The following LMNA variants were observed in gnomAD, a reference collection of about 807,000 sequenced individuals.
LMNA encodes lamin.
In LMNA, 20 loss-of-function variants were observed where a neutral mutation model predicts 70.4. The ratio of observed to expected loss-of-function variants is 0.28; its 90% CI spans 0.20 to 0.41. The LOEUF is 0.41. LMNA is among the 10% of genes least tolerant of loss of function. The probability of loss-of-function intolerance (pLI) is 1.00; values close to 1 mark genes in which losing one functional copy is unlikely to be tolerated. For synonymous variants in LMNA, 339 were observed against 372.8 expected, an observed-to-expected ratio of 0.91 and a Z score of 1.04; for missense variants, 652 against 917.2, an observed-to-expected ratio of 0.71 and a Z score of 3.73.
At position 156,131,067 on chromosome 1, in the gene LMNA, C is replaced by T. The variant is rs1651023544; in HGVS notation, c.513+294C>T. Among the ~76,000 whole-genome samples, 3 of 151,846 alleles carry T rather than the reference C, an allele frequency of 2.0e-5. 1 individual carries two copies. The highest frequency in any genetic ancestry group is 4.2e-4 in the South Asian group (2 of 4,808). ...TGGGCCGATCACGAGGTCAGGAGATCGAGATCATCCTGACTAACATGGTGA... is the reference window on the plus strand; with the variant it reads ...TGGGCCGATCACGAGGTCAGGAGATTGAGATCATCCTGACTAACATGGTGA... On this transcript the variant is annotated intron_variant, in intron 2 of 11. Transcript: ENST00000368300.
At chr1:156,099,122 G>A (rs1236947578) in intron 3 of LMNA, among the ~76,000 whole-genome samples, 3 of 152,124 alleles carry the variant, frequency 2.0e-5, no homozygotes, top group Admixed American at 6.5e-5. Context: ...CTGCCCCACT[G>A]TCAGCCCCTT....
chr1:156,100,652 G>A (rs1029804657), intron 3 of LMNA, among the ~76,000 whole-genome samples: 1 of 152,158 alleles, frequency 6.6e-6, no homozygotes, highest in African/African-American at 2.4e-5. Flanking sequence ...TTAGAATGAG[G>A]TGCTGAGGAG....
chr1:156,127,509 GTTTTTTTTTTTTTTTTT>G (rs1170940332), intron 1 of LMNA, among the ~76,000 whole-genome samples: 1 of 84,492 alleles, frequency 1.2e-5, no homozygotes, highest in Non-Finnish European at 2.3e-5. Flanking sequence ...CCCCCTTACT[GTTTTTTTTTTTTTTTTT>G]TTTTTTTTTT....
At chr1:156,085,783 T>C (rs968275430) in intron 2 of LMNA, among the ~76,000 whole-genome samples, 1 of 152,182 alleles carries the variant, frequency 6.6e-6, no homozygotes, top group African/African-American at 2.4e-5. Context: ...TGGCAGGGCA[T>C]GGTGGCTCGT....
chr1:156,125,573 C>T lies in LMNA; in HGVS notation c.357-5044C>T, dbSNP rs192585352. 8.8e-3 allele frequency among the ~76,000 whole-genome samples: 1,332 copies of T among 151,908 alleles called. 77 individuals are homozygous for T. Among genetic ancestry groups the T allele is most frequent in the Admixed American group, 0.077 (1,178 of 15,238 alleles). On this transcript the variant is annotated intron_variant, in intron 1 of 11. Coordinates refer to ENST00000368300, the MANE Select transcript of LMNA (RefSeq NM_170707.4). Reference sequence around the variant, plus strand: ...GTGTGGTGGCAGGCGCCTGTAATCCCAGCTACTCTGGAGGCTGAGGCACAA... The same window carrying T: ...GTGTGGTGGCAGGCGCCTGTAATCCTAGCTACTCTGGAGGCTGAGGCACAA...
chr1:156,106,991 G>A (rs1490616524), intron 3 of LMNA, among the ~76,000 whole-genome samples: 1 of 152,154 alleles, frequency 6.6e-6, no homozygotes, highest in Non-Finnish European at 1.5e-5. Context: ...AAGAGGGAAA[G>A]AGTATATTTA....
At position 156,115,566 on chromosome 1, in the gene LMNA, T is replaced by C. The variant is rs750519671; in HGVS notation, c.356+292T>C. On this transcript the variant is annotated intron_variant, in intron 1 of 11. Coordinates refer to ENST00000368300, the MANE Select transcript of LMNA (RefSeq NM_170707.4). This position sits in a 1 kb window ranked among gnomAD's most constrained non-coding sequence, Gnocchi z 5.8. ...TGGGGCCGGCCTGAATTCGGTCAGA[T>C]TGGGATTTGCCAACTATTTGGAGCC... Among the ~76,000 whole-genome samples the C allele has an allele frequency of 6.6e-6, 1 of 152,096 alleles. No homozygotes were observed. The highest frequency in any genetic ancestry group is 1.5e-5 in the Non-Finnish European group (1 of 67,980).
chr1:156,112,624 G>A (rs975734765), upstream of LMNA, among the ~76,000 whole-genome samples: 3 of 152,162 alleles, frequency 2.0e-5, no homozygotes, highest in South Asian at 4.1e-4. Context: ...CTGAGGGTGG[G>A]TGCCACGCCC....
At chr1:156,090,882 C>T (rs1648672016) in intron 3 of LMNA, 1 of 152,174 alleles carries the variant, frequency 6.6e-6, no homozygotes, top group African/African-American at 2.4e-5. Context: ...AAACATTGGC[C>T]ACCAGGTGGC....
At chr1:156,085,704 C>T (rs1455652614) in intron 2 of LMNA, among the ~76,000 whole-genome samples, 3 of 152,220 alleles carry the variant, frequency 2.0e-5, no homozygotes, top group Non-Finnish European at 4.4e-5. Context: ...TATTCTGCCA[C>T]TTTGGGGAGT....
At chr1:156,130,030 T>G in intron 1 of LMNA, 1 of 623,152 alleles carries the variant, frequency 1.6e-6, no homozygotes, top group East Asian at 2.8e-5. Flanking sequence ...GTCAATATTG[T>G]GCCTGGTCAT....
chr1:156,137,176 A>G lies in LMNA; in HGVS notation c.1552A>G (p.Asn518Asp), dbSNP rs757733890. Reference protein sequence around the residue: ...PPTDLVWKAQNTWGCGNSLRT... With the variant: ...PPTDLVWKAQDTWGCGNSLRT... Reference sequence around the variant, plus strand: ...TACCGACCTGGTGTGGAAGGCACAGAACACCTGGGGCTGCGGGAACAGCCT... The same window carrying G: ...TACCGACCTGGTGTGGAAGGCACAGGACACCTGGGGCTGCGGGAACAGCCT... Residue 518 changes from asparagine (N) to aspartate (D), a missense_variant, in exon 9 of 12, where the codon AAC (asparagine) becomes GAC (aspartate). Physicochemically the swap from Asn to Asp is conservative, Grantham distance 23 (BLOSUM62 1). This residue lies in a region of LMNA where 327 missense variants were observed against 387.6 expected (regional missense o/e 0.84). Transcript: ENST00000368300. This position sits in a 1 kb window ranked among gnomAD's most constrained non-coding sequence, Gnocchi z 4.6. The G allele has an allele frequency of 1.9e-6, 3 of 1,611,152 alleles. No homozygotes were observed. Among genetic ancestry groups the G allele is most frequent in the Non-Finnish European group, 2.5e-6 (3 of 1,178,902 alleles).
chr1:156,101,628 AAGGAAGGAAGGG>A lies in LMNA; in HGVS notation c.-207+11050_-207+11061del, dbSNP rs1481985828. 8.0e-4 allele frequency among the ~76,000 whole-genome samples: 71 copies of A among 89,122 alleles called. 1 individual carries two copies. The South Asian group carries it at 0.025, about 32-fold the overall frequency. 58.5% of individuals were successfully genotyped at this position (89,122 alleles called of 152,430 possible). A position where few individuals can be genotyped will look rare whatever the true frequency, so the allele number is the denominator to read the frequency against. ...GCAGTTACCCAGGAAGGAAGGACGG[AAGGAAGGAAGGG>A]AGGGAGGGAGGGAGGGAGGGAGGGA... On this transcript the variant is annotated intron_variant, in intron 3 of 12. Coordinates refer to the LMNA transcript ENST00000368301.
At chr1:156,102,763 A>C (rs1335508056) in intron 3 of LMNA, among the ~76,000 whole-genome samples, 1 of 152,174 alleles carries the variant, frequency 6.6e-6, no homozygotes, top group Non-Finnish European at 1.5e-5. Flanking sequence ...AAGGGGGGCC[A>C]TGGGGAGGGG....
At chr1:156,105,815 T>G (rs1649311091) in intron 3 of LMNA, among the ~76,000 whole-genome samples, 1 of 152,116 alleles carries the variant, frequency 6.6e-6, no homozygotes, top group South Asian at 2.1e-4. Context: ...GTCCCTATTT[T>G]AGCATTAAAA....
rs151197913 is a variant in LMNA at position 156,094,381 on chromosome 1, C to G, written c.-207+3799C>G. 2.3e-3 allele frequency among the ~76,000 whole-genome samples: 345 copies of G among 152,320 alleles called. 2 individuals are homozygous for G. Among genetic ancestry groups the G allele is most frequent in the African/African-American group, 7.8e-3 (324 of 41,572 alleles). On this transcript the variant is annotated intron_variant, in intron 3 of 12. Transcript: ENST00000368301. ...TTTGAGACAGTCTTGCTGTGTCACC[C>G]AGGCTGGAGTGCAGTGGTGCAGTCT...
chr1:156,113,572 G>A (rs1649620916), upstream of LMNA, among the ~76,000 whole-genome samples: 1 of 152,152 alleles, frequency 6.6e-6, no homozygotes, highest in Non-Finnish European at 1.5e-5. Context: ...TATGGTGCTG[G>A]CCTTTGCAGC....
At position 156,137,867 on chromosome 1, in the gene LMNA, C is replaced by T. The variant is rs1057516022; in HGVS notation, c.1698+124C>T. ...CATTAAAGAATGTTTTGGAACTTTA[C>T]TCGCTGGCCTGGCCTTTCTTCTCTC... On this transcript the variant is annotated intron_variant, in intron 10 of 11. Transcript: ENST00000368300. The surrounding 1 kb of genome is among the most constrained non-coding windows in gnomAD (Gnocchi z 4.6). 6.6e-7 allele frequency: 1 copy of T among 1,523,784 alleles called. No homozygotes were observed. The highest frequency in any genetic ancestry group is 2.4e-5 in the East Asian group (1 of 40,878). The allele number at this position is 1,523,784 out of a possible 1,614,324, so 94.4% of individuals were successfully genotyped here. A position where few individuals can be genotyped will look rare whatever the true frequency, so the allele number is the denominator to read the frequency against.
intron 3 of LMNA, among the ~76,000 whole-genome samples, chr1:156,107,349 G>T (rs1288020101): frequency 6.6e-6 from 1 of 152,190 alleles, no homozygotes. Flanking sequence ...GTCCAGTGTG[G>T]CTGCCCTGTC....
Sources: gnomAD v4.1 joint callset for allele counts (sites outside exome capture counted in the v4.1 genomes callset) on GRCh38, gnomAD v4.1.1 for gene constraint, gnomAD v4.1.1 regional missense constraint, Gnocchi (gnomAD v3.1) non-coding constraint, MANE v1.5 for transcripts, NCBI Gene and HGNC (gene_info 2026-07-23, HGNC 2026-07-21) for gene names.